The following SLC8A1 variants were observed in gnomAD, a reference collection of about 807,000 sequenced individuals.
SLC8A1 encodes the protein sodium/calcium exchanger 1.
Under a neutral mutation model 68.3 loss-of-function variants are expected in SLC8A1, and 18 were observed. That is an observed-to-expected ratio of 0.26 (90% CI 0.18 to 0.39). The LOEUF (loss-of-function observed/expected upper bound fraction) is 0.39. Ranked by LOEUF, SLC8A1 falls within the 10% of genes least tolerant of loss-of-function variation. SLC8A1 has a pLI of 1.00. For missense variants in SLC8A1, 985 were observed against 1,156.7 expected (o/e 0.85, Z 2.15); for synonymous variants, 475 against 415.5 (o/e 1.14, Z -1.74).
intron 2 of SLC8A1, among the ~76,000 whole-genome samples, chr2:40,231,737 G>T (rs1350631251): frequency 6.6e-6 from 1 of 152,154 alleles, no homozygotes; most frequent in Non-Finnish European, 1.5e-5. Flanking sequence ...GCCATCTGGT[G>T]TGTGTATTTT....
At chr2:40,509,391 AC>A (rs1242861966) in intron 1 of SLC8A1, among the ~76,000 whole-genome samples, 1 of 133,712 alleles carries the variant, frequency 7.5e-6, no homozygotes, top group Admixed American at 7.8e-5. Context: ...GTCAGGGACC[AC>A]TCAGTGTCTC....
chr2:40,468,010 G>C (rs1323384128), intron 1 of SLC8A1, among the ~76,000 whole-genome samples: 1 of 151,980 alleles, frequency 6.6e-6, no homozygotes, highest in Non-Finnish European at 1.5e-5. Flanking sequence ...TGAGAATGTT[G>C]AACTGATTTC....
At position 40,342,385 on chromosome 2, in the gene SLC8A1, T is replaced by C. The variant is rs1249603117; in HGVS notation, c.1808+86088A>G. 2.6e-5 allele frequency among the ~76,000 whole-genome samples: 4 copies of C among 152,152 alleles called. No homozygotes were observed. In the East Asian group the frequency reaches 7.7e-4, roughly 29 times the overall value. Reference sequence around the variant, plus strand: ...ATGTAGGCAAATCATATTTTTAATGTTTTAAAAACTATATTAACAGTGATA... The same window carrying C: ...ATGTAGGCAAATCATATTTTTAATGCTTTAAAAACTATATTAACAGTGATA... On this transcript the variant is annotated intron_variant, in intron 2 of 7. Coordinates refer to ENST00000406785, the Ensembl canonical transcript of SLC8A1.
At chr2:40,334,419 T>C (rs1174537392) in intron 2 of SLC8A1, among the ~76,000 whole-genome samples, 1 of 152,198 alleles carries the variant, frequency 6.6e-6, no homozygotes, top group African/African-American at 2.4e-5. Context: ...ATCTGGACAA[T>C]GACAATATTT....
At chr2:40,283,182 C>T (rs1371073825) in intron 2 of SLC8A1, among the ~76,000 whole-genome samples, 1 of 152,124 alleles carries the variant, frequency 6.6e-6, no homozygotes, top group Non-Finnish European at 1.5e-5. Flanking sequence ...AAATGTTTTC[C>T]TTTTTGTTCT....
intron 2 of SLC8A1, among the ~76,000 whole-genome samples, chr2:40,383,319 C>G (rs1032251824): frequency 2.0e-5 from 3 of 151,908 alleles, no homozygotes; most frequent in African/African-American, 4.8e-5. Context: ...GTTTTTTGTC[C>G]TTAGTTGGAC....
chr2:40,355,701 G>T (rs968477708), intron 2 of SLC8A1, among the ~76,000 whole-genome samples: 2 of 152,076 alleles, frequency 1.3e-5, no homozygotes, highest in African/African-American at 2.4e-5. Context: ...TGTAGTCCAT[G>T]CACGTAACAA....
intron 2 of SLC8A1, among the ~76,000 whole-genome samples, chr2:40,179,237 T>C (rs1331894908): frequency 6.6e-6 from 1 of 152,210 alleles, no homozygotes; most frequent in Non-Finnish European, 1.5e-5. Flanking sequence ...GATGTTGTAG[T>C]TATTTTCATT....
intron 1 of SLC8A1, among the ~76,000 whole-genome samples, chr2:40,506,104 CTTT>C (rs34231209): frequency 7.3e-4 from 97 of 132,144 alleles, no homozygotes; most frequent in Non-Finnish European, 9.0e-4. Flanking sequence ...TTCATAGATC[CTTT>C]TTTTTTTTTT....
chr2:40,366,373 C>G (rs1676199634), intron 2 of SLC8A1, among the ~76,000 whole-genome samples: 1 of 152,044 alleles, frequency 6.6e-6, no homozygotes, highest in Non-Finnish European at 1.5e-5. Flanking sequence ...AATGTGTGAT[C>G]TTGGAAGAAG....
At chr2:40,313,426 A>G (rs1250091729) in intron 2 of SLC8A1, among the ~76,000 whole-genome samples, 1 of 152,060 alleles carries the variant, frequency 6.6e-6, no homozygotes, top group Non-Finnish European at 1.5e-5. Context: ...GTAGATACCA[A>G]GGTGTAGAAT....
At chr2:40,396,267 G>A (rs1686862346) in intron 2 of SLC8A1, among the ~76,000 whole-genome samples, 2 of 152,120 alleles carry the variant, frequency 1.3e-5, no homozygotes, top group Admixed American at 6.6e-5. Flanking sequence ...CTCAATCCAT[G>A]AAGTGTGTTT....
intron 2 of SLC8A1, among the ~76,000 whole-genome samples, chr2:40,394,242 T>A (rs1686203044): frequency 6.6e-6 from 1 of 152,094 alleles, no homozygotes; most frequent in African/African-American, 2.4e-5. Context: ...GGTTGCAACA[T>A]GTTACGCAAA....
chr2:40,269,776 A>G (rs1245940634), intron 2 of SLC8A1, among the ~76,000 whole-genome samples: 1 of 146,360 alleles, frequency 6.8e-6, no homozygotes, highest in Admixed American at 7.1e-5. Flanking sequence ...GATCACTGTG[A>G]CTGTTGCTGT....
chr2:40,285,383 A>C (rs2068147989), intron 2 of SLC8A1, among the ~76,000 whole-genome samples: 1 of 152,170 alleles, frequency 6.6e-6, no homozygotes, highest in Admixed American at 6.6e-5. Flanking sequence ...GAGCATCATA[A>C]ACTATGGGGC....
At chr2:40,414,531 T>G (rs1693216273) in intron 2 of SLC8A1, among the ~76,000 whole-genome samples, 1 of 152,196 alleles carries the variant, frequency 6.6e-6, no homozygotes, top group Non-Finnish European at 1.5e-5. Flanking sequence ...GCATGATTTA[T>G]TATTCCTTGT....
chr2:40,387,198 T>C lies in SLC8A1; in HGVS notation c.1808+41275A>G, dbSNP rs573018610. On this transcript the variant is annotated intron_variant, in intron 2 of 7. Coordinates refer to ENST00000406785, the Ensembl canonical transcript of SLC8A1. ...TTTATTTAGGTTTATTCTGTAGTAA[T>C]GGTATTTCCAGGGTCTACATCTTTA... Among the ~76,000 whole-genome samples the C allele has an allele frequency of 4.6e-5, 7 of 151,556 alleles. No homozygotes were observed. The South Asian group carries it at 1.0e-3, about 22-fold the overall frequency.
intron 2 of SLC8A1, among the ~76,000 whole-genome samples, chr2:40,424,728 A>G (rs1469623505): frequency 6.6e-6 from 1 of 151,818 alleles, no homozygotes; most frequent in Non-Finnish European, 1.5e-5. Flanking sequence ...TAACTTGCAT[A>G]CTCTGATTTT....
chr2:40,450,398 G>A (rs1317029804), intron 1 of SLC8A1, among the ~76,000 whole-genome samples: 1 of 152,028 alleles, frequency 6.6e-6, no homozygotes, highest in Non-Finnish European at 1.5e-5. Flanking sequence ...GGGGGCATGG[G>A]AAAGAGAGGT....
Sources: gnomAD v4.1 joint callset for allele counts (sites outside exome capture counted in the v4.1 genomes callset) on GRCh38, gnomAD v4.1.1 for gene constraint, MANE v1.5 for transcripts, NCBI Gene and HGNC (gene_info 2026-07-23, HGNC 2026-07-21) for gene names.